ZNF346: variants seen among roughly 807,000 people sequenced by gnomAD.
ZNF346 encodes double-stranded RNA-binding zinc finger protein JAZ.
A neutral mutation model predicts 33.7 loss-of-function variants in ZNF346; 23 were observed. That is an observed-to-expected ratio of 0.68 (90% confidence interval 0.49 to 0.97). ZNF346 has a LOEUF of 0.97. Among genes scored for constraint, ZNF346 ranks in the 50% least tolerant of loss-of-function variants. The pLI is 0.00. For missense variants in ZNF346, 340 were observed against 371.1 expected (o/e 0.92, Z 0.69); for synonymous variants, 134 against 142.4 (o/e 0.94, Z 0.42).
At chr5:177,026,638 A>G (rs1415918951) in intron 1 of ZNF346, among the ~76,000 whole-genome samples, 1 of 152,166 alleles carries the variant, frequency 6.6e-6, no homozygotes, top group East Asian at 1.9e-4. Flanking sequence ...TTGGGATTAC[A>G]GGTGTGAGCC....
At chr5:177,080,087 C>T (rs1170639056) in exon 9 of ZNF346, 1 of 152,284 alleles carries the variant, frequency 6.6e-6, no homozygotes, top group Non-Finnish European at 1.5e-5. Flanking sequence ...TGGAAGCCTC[C>T]CCAGAGCTCT....
intron 1 of ZNF346, among the ~76,000 whole-genome samples, chr5:177,023,589 G>A (rs1004877914): frequency 6.6e-6 from 1 of 152,204 alleles, no homozygotes; most frequent in African/African-American, 2.4e-5. Flanking sequence ...CTGGGCCGAA[G>A]CGCCCCAGCT....
chr5:177,055,498 G>T (rs1781549424), intron 5 of ZNF346, among the ~76,000 whole-genome samples: 1 of 152,174 alleles, frequency 6.6e-6, no homozygotes, highest in Non-Finnish European at 1.5e-5. Flanking sequence ...CTGGTGTCCA[G>T]TCTAGAAAGA....
At chr5:177,050,696 A>G (rs1780740847) in intron 4 of ZNF346, 55 bp from the exon 5 acceptor site, 1 of 1,604,120 alleles carries the variant, frequency 6.2e-7, no homozygotes, top group South Asian at 1.1e-5. Context: ...GAACTCTCTC[A>G]CTGCAGCTCT....
At position 177,067,625 on chromosome 5, in the gene ZNF346, A is replaced by C. The variant is rs1783287966; in HGVS notation, c.*3026A>C. ...AGCTGTGTGGCCAGCCCTGTTGGTAAAGGGACCTAGAGATGAACACTTTCT... is the reference window on the plus strand; with the variant it reads ...AGCTGTGTGGCCAGCCCTGTTGGTACAGGGACCTAGAGATGAACACTTTCT... On this transcript the variant is annotated 3_prime_UTR_variant, in exon 7 of 7. Coordinates refer to ENST00000358149, the MANE Select transcript of ZNF346 (RefSeq NM_012279.4). Among the ~76,000 whole-genome samples, 1 of 152,212 alleles carries C rather than the reference A, an allele frequency of 6.6e-6. No individual in the cohort carries two copies. Among genetic ancestry groups the C allele is most frequent in the Non-Finnish European group, 1.5e-5 (1 of 68,034 alleles).
At chr5:177,079,107 C>T (rs1783882468) in intron 8 of ZNF346, among the ~76,000 whole-genome samples, 1 of 151,868 alleles carries the variant, frequency 6.6e-6, no homozygotes, top group Non-Finnish European at 1.5e-5. Context: ...TCCGTCTCTA[C>T]TAAAAATACA....
intron 5 of ZNF346, among the ~76,000 whole-genome samples, chr5:177,055,665 G>A (rs569882661): frequency 6.9e-6 from 1 of 145,466 alleles, no homozygotes; most frequent in Non-Finnish European, 1.5e-5. Flanking sequence ...CTAGGGCCAG[G>A]CACAGTGGCT....
At position 177,044,374 on chromosome 5, in the gene ZNF346, CT is replaced by C; in HGVS notation, c.373-12del. ...GCAGTGGTATGATCAGACCTGTGTT[CT>C]TTCTTCCAACCAGAAGAGCAGCAGA... On this transcript the variant is annotated splice_polypyrimidine_tract_variant and intron_variant, in intron 3 of 6. Transcript: ENST00000358149. The C allele has an allele frequency of 6.2e-7, 1 of 1,613,848 alleles. No homozygotes were observed. Among genetic ancestry groups the C allele is most frequent in the Non-Finnish European group, 8.5e-7 (1 of 1,179,940 alleles).
intron 1 of ZNF346, among the ~76,000 whole-genome samples, chr5:177,037,324 T>C (rs548034162): frequency 2.6e-5 from 4 of 152,316 alleles, no homozygotes; most frequent in Admixed American, 1.3e-4. Context: ...GTGTTCAATA[T>C]GATTGATATA....
At chr5:177,050,688 ACT>A (rs748634572) in intron 4 of ZNF346, 61 bp from the exon 5 acceptor site, 7 of 1,589,892 alleles carry the variant, frequency 4.4e-6, no homozygotes, top group South Asian at 1.1e-5. Context: ...TTCTGTTTGA[ACT>A]CTCTCACTGC....
intron 5 of ZNF346, 46 bp from the exon 6 acceptor site, chr5:177,062,012 T>C (rs764840876): frequency 2.6e-6 from 4 of 1,539,414 alleles, no homozygotes; most frequent in Non-Finnish European, 3.6e-6. Flanking sequence ...GGTCTTCAGG[T>C]TCCTTCTTTC....
chr5:177,047,779 T>C (rs531096764), intron 4 of ZNF346, among the ~76,000 whole-genome samples: 23 of 152,292 alleles, frequency 1.5e-4, no homozygotes, highest in Admixed American at 6.5e-5. Flanking sequence ...GTTCTGGGAT[T>C]ACAGACATGA....
At chr5:177,078,970 T>A (rs572896311) in intron 8 of ZNF346, among the ~76,000 whole-genome samples, 1 of 151,580 alleles carries the variant, frequency 6.6e-6, no homozygotes, top group East Asian at 2.0e-4. Flanking sequence ...AGATCCGTAG[T>A]TTAAAGAAGT....
chr5:177,027,187 G>A (rs769003533), intron 1 of ZNF346, among the ~76,000 whole-genome samples: 36 of 151,480 alleles, frequency 2.4e-4, no homozygotes, highest in Non-Finnish European at 4.0e-4. Flanking sequence ...CAGGTAGCTG[G>A]GATTACAGGC....
chr5:177,033,410 GCTATAC>G (rs1249749204), intron 1 of ZNF346, among the ~76,000 whole-genome samples: 12 of 152,150 alleles, frequency 7.9e-5, no homozygotes, highest in African/African-American at 2.7e-4. Flanking sequence ...TCTGACTATA[GCTATAC>G]CTAAAAACCC....
rs537683314 is a variant in ZNF346 at position 177,065,918 on chromosome 5, C to T, written c.*1319C>T. On this transcript the variant is annotated 3_prime_UTR_variant, in exon 7 of 7. Coordinates refer to ENST00000358149, the MANE Select transcript of ZNF346 (RefSeq NM_012279.4). Reference sequence around the variant, plus strand: ...TGTGTGCTTCTGTGTGTGCCTAATGCTCTGTCTCTTGGTCACTGAAGCATC... The same window carrying T: ...TGTGTGCTTCTGTGTGTGCCTAATGTTCTGTCTCTTGGTCACTGAAGCATC... The T allele has an allele frequency of 6.7e-6, 1 of 149,950 alleles. No homozygotes were observed. Among genetic ancestry groups the T allele is most frequent in the African/African-American group, 2.5e-5 (1 of 40,498 alleles). The allele number at this position is 149,950 out of a possible 1,614,324, so 9.3% of individuals were successfully genotyped here.
chr5:177,033,579 A>G (rs980453876), intron 1 of ZNF346, among the ~76,000 whole-genome samples: 1 of 152,154 alleles, frequency 6.6e-6, no homozygotes, highest in African/African-American at 2.4e-5. Flanking sequence ...GCTGGAGTGC[A>G]GTGGCATGAT....
intron 1 of ZNF346, among the ~76,000 whole-genome samples, chr5:177,028,288 C>A (rs1431232903): frequency 2.0e-5 from 3 of 149,872 alleles, no homozygotes; most frequent in Admixed American, 1.3e-4. Context: ...GTGATCTGTC[C>A]GCCTCTGCTT....
At chr5:177,042,463 G>A (rs768867381) in intron 3 of ZNF346, among the ~76,000 whole-genome samples, 2 of 151,976 alleles carry the variant, frequency 1.3e-5, no homozygotes, top group African/African-American at 2.4e-5. Flanking sequence ...CTTACTGATC[G>A]GGTGAGTTTG....
Sources: allele counts gnomAD v4.1 joint callset (sites outside exome capture counted in the v4.1 genomes callset), GRCh38; gene constraint gnomAD v4.1.1; transcripts MANE v1.5; gene names NCBI Gene and HGNC (gene_info 2026-07-23, HGNC 2026-07-21).